HDAC9: variants seen among roughly 807,000 people sequenced by gnomAD.
The protein encoded by HDAC9 is MEF-2 interacting transcription repressor (MITR) protein.
A neutral mutation model predicts 139.4 loss-of-function variants in HDAC9; 41 were observed. The ratio of observed to expected loss-of-function variants is 0.29; its 90% CI spans 0.23 to 0.38. The LOEUF (loss-of-function observed/expected upper bound fraction) is 0.38. HDAC9 is among the 10% of genes least tolerant of loss of function. HDAC9 has a pLI of 1.00. For synonymous variants in HDAC9, 517 were observed against 476.2 expected, an observed-to-expected ratio of 1.09 and a Z score of -1.12; for missense variants, 1,147 against 1,297.0, an observed-to-expected ratio of 0.88 and a Z score of 1.78.
intron 22 of HDAC9, among the ~76,000 whole-genome samples, chr7:18,916,164 T>A (rs1486938755): frequency 6.6e-6 from 1 of 151,846 alleles, no homozygotes; most frequent in Non-Finnish European, 1.5e-5. Flanking sequence ...CAGGGATGGT[T>A]TGTGTTTGAA....
intron 22 of HDAC9, among the ~76,000 whole-genome samples, chr7:18,932,814 TAGAA>T (rs199555359): frequency 0.014 from 1,046 of 75,742 alleles, 17 homozygotes; most frequent in African/African-American, 0.049. Flanking sequence ...GAAAGAAAGA[TAGAA>T]AGAAAGAAGG....
chr7:18,583,309 T>A (rs1828394972), intron 2 of HDAC9, among the ~76,000 whole-genome samples: 1 of 152,212 alleles, frequency 6.6e-6, no homozygotes, highest in African/African-American at 2.4e-5. Context: ...GGGAAATTAA[T>A]AACATCTTCA....
intron 16 of HDAC9, among the ~76,000 whole-genome samples, chr7:18,768,513 C>T (rs1466856593): frequency 6.6e-6 from 1 of 152,152 alleles, no homozygotes; most frequent in Non-Finnish European, 1.5e-5. Context: ...TAGCCAACCT[C>T]CTGTGGAGCT....
chr7:18,714,097 A>G (rs893258957), intron 12 of HDAC9, among the ~76,000 whole-genome samples: 4 of 152,312 alleles, frequency 2.6e-5, no homozygotes, highest in South Asian at 4.1e-4. Flanking sequence ...TATTTTATAG[A>G]TGTGCTCTGA....
chr7:18,298,119 G>T (rs1459786865), intron 1 of HDAC9, among the ~76,000 whole-genome samples: 1 of 152,226 alleles, frequency 6.6e-6, no homozygotes, highest in African/African-American at 2.4e-5. Flanking sequence ...TTCACTGGGG[G>T]TTTCACTGCC....
chr7:18,429,565 C>G (rs61141832), intron 1 of HDAC9, among the ~76,000 whole-genome samples: 10,382 of 137,536 alleles, frequency 0.075, 682 homozygotes, highest in African/African-American at 0.19. Flanking sequence ...GTGTGTGTGT[C>G]TGTGTGTGTG....
intron 1 of HDAC9, among the ~76,000 whole-genome samples, chr7:18,135,537 G>A (rs1785338197): frequency 1.5e-5 from 2 of 132,338 alleles, no homozygotes; most frequent in South Asian, 2.6e-4. Context: ...CCACCTATGA[G>A]TGAGAATATG....
chr7:18,504,487 T>G (rs1799215031), intron 2 of HDAC9, among the ~76,000 whole-genome samples: 1 of 152,150 alleles, frequency 6.6e-6, no homozygotes, highest in Non-Finnish European at 1.5e-5. Flanking sequence ...GTAGTTTTAG[T>G]AGAGATGGGG....
At chr7:18,856,475 G>A (rs750834846) in intron 21 of HDAC9, among the ~76,000 whole-genome samples, 1 of 152,062 alleles carries the variant, frequency 6.6e-6, no homozygotes, top group Non-Finnish European at 1.5e-5. Flanking sequence ...TGCCCCTAAA[G>A]GATGTTAATA....
chr7:18,092,486 C>T (rs1782235046), intron 1 of HDAC9, among the ~76,000 whole-genome samples: 1 of 151,692 alleles, frequency 6.6e-6, no homozygotes, highest in South Asian at 2.1e-4. Flanking sequence ...GCTCCAAATC[C>T]CTCTGCAGAA....
At chr7:18,544,741 G>A (rs990889584) in intron 2 of HDAC9, among the ~76,000 whole-genome samples, 6 of 152,134 alleles carry the variant, frequency 3.9e-5, no homozygotes, top group African/African-American at 1.2e-4. Flanking sequence ...TCAGGAAGGG[G>A]GAGCTGATCA....
chr7:18,089,799 T>C (rs182002366), intron 1 of HDAC9, among the ~76,000 whole-genome samples: 2 of 152,170 alleles, frequency 1.3e-5, no homozygotes, highest in Admixed American at 1.3e-4. Context: ...GAGAAACATA[T>C]GGACATCATA....
chr7:18,481,083 C>T (rs968302138), intron 1 of HDAC9, among the ~76,000 whole-genome samples: 5 of 152,126 alleles, frequency 3.3e-5, no homozygotes, highest in African/African-American at 4.8e-5. Flanking sequence ...TTGTTTTGTG[C>T]ATTTGTCCAT....
At chr7:18,930,197 T>C (rs1278082681) in intron 22 of HDAC9, among the ~76,000 whole-genome samples, 1 of 152,082 alleles carries the variant, frequency 6.6e-6, no homozygotes, top group Non-Finnish European at 1.5e-5. Context: ...CAGTGATTGC[T>C]TGAGCCTACA....
At chr7:18,329,343 G>A (rs529006344) in intron 1 of HDAC9, among the ~76,000 whole-genome samples, 26 of 151,628 alleles carry the variant, frequency 1.7e-4, no homozygotes, top group Non-Finnish European at 3.2e-4. Context: ...GTAAGTTGGT[G>A]AGTTGATAGG....
intron 21 of HDAC9, among the ~76,000 whole-genome samples, chr7:18,842,167 T>C (rs1796626018): frequency 6.6e-6 from 1 of 152,122 alleles, no homozygotes; most frequent in African/African-American, 2.4e-5. Flanking sequence ...TTGCAATGGA[T>C]TCTCAATTGT....
At chr7:18,937,911 A>G (rs1479832309) in intron 23 of HDAC9, among the ~76,000 whole-genome samples, 2 of 152,182 alleles carry the variant, frequency 1.3e-5, no homozygotes, top group African/African-American at 4.8e-5. Flanking sequence ...TTAACCCAAC[A>G]TTTCCAATGA....
chr7:18,693,503 C>T (rs889445611), intron 12 of HDAC9, among the ~76,000 whole-genome samples: 5 of 152,030 alleles, frequency 3.3e-5, no homozygotes, highest in East Asian at 3.8e-4. Context: ...TTACTTTTAA[C>T]GAAAAAAATT....
intron 14 of HDAC9, among the ~76,000 whole-genome samples, chr7:18,759,355 C>T (rs1463317710): frequency 1.3e-5 from 2 of 152,050 alleles, no homozygotes; most frequent in African/African-American, 2.4e-5. Context: ...CTTGCATTAC[C>T]GTCTGAGAAC....
Sources: allele counts gnomAD v4.1 joint callset (sites outside exome capture counted in the v4.1 genomes callset), GRCh38; gene constraint gnomAD v4.1.1; transcripts MANE v1.5; gene names NCBI Gene and HGNC (gene_info 2026-07-23, HGNC 2026-07-21).